The following PLCG2 variants were observed in gnomAD, a reference collection of about 807,000 sequenced individuals.
The protein encoded by PLCG2 is 1-phosphatidylinositol 4,5-bisphosphate phosphodiesterase gamma-2.
PLCG2 carries 69 observed loss-of-function variants against 175.6 expected under a neutral mutation model. The ratio of observed to expected loss-of-function variants is 0.39; its 90% CI spans 0.32 to 0.48. The LOEUF is 0.48. Among genes scored for constraint, PLCG2 ranks in the 20% least tolerant of loss-of-function variants. PLCG2 has a pLI of 0.91. For missense variants in PLCG2, 1,798 were observed against 1,650.9 expected (o/e 1.09, Z -1.54); for synonymous variants, 827 against 624.0 (o/e 1.33, Z -4.85).
At chr16:81,776,483 A>G (rs966157719), upstream of PLCG2, among the ~76,000 whole-genome samples, 3 of 152,052 alleles carry the variant, frequency 2.0e-5, no homozygotes, top group African/African-American at 4.8e-5. Flanking sequence ...TTCCCCACCT[A>G]TTATCCTTGG....
At chr16:81,846,153 C>T (rs1254860140) in intron 2 of PLCG2, among the ~76,000 whole-genome samples, 1 of 152,198 alleles carries the variant, frequency 6.6e-6, no homozygotes, top group Admixed American at 6.5e-5. Flanking sequence ...CAGGGCACTG[C>T]TCTCACTAGA....
At chr16:81,871,909 A>T (rs1238777306) in intron 7 of PLCG2, among the ~76,000 whole-genome samples, 1 of 152,212 alleles carries the variant, frequency 6.6e-6, no homozygotes, top group Middle Eastern at 3.2e-3. Flanking sequence ...ATGTGACATT[A>T]TGCAGCTGAT....
chr16:81,786,448 C>T (rs1011546416), intron 2 of PLCG2, among the ~76,000 whole-genome samples: 3 of 152,184 alleles, frequency 2.0e-5, no homozygotes, highest in African/African-American at 7.2e-5. Context: ...GCTCTCCTTG[C>T]CTGGTGGTTC....
At position 81,908,442 on chromosome 16, in the gene PLCG2, T is replaced by G; in HGVS notation, c.1584T>G (p.Phe528Leu). Residue 528 changes from phenylalanine (F) to leucine (L), a missense_variant, in exon 17 of 33, where the codon TTT becomes TTG. By Grantham distance (22) the Phe-to-Leu change is conservative. Coordinates refer to ENST00000564138, the MANE Select transcript of PLCG2 (RefSeq NM_002661.5). ...ATATACCCCCTACAGAACTACATTT[T>G]GGGGAGAAATGGTTCCACAAGAAGG... Reference protein sequence around the residue: ...PQDIPPTELHFGEKWFHKKVE... With the variant: ...PQDIPPTELHLGEKWFHKKVE... The G allele has an allele frequency of 6.2e-7, 1 of 1,614,032 alleles. No individual in the cohort carries two copies. The highest frequency in any genetic ancestry group is 8.5e-7 in the Non-Finnish European group (1 of 1,179,990).
chr16:81,780,957 G>T (rs997471536), intron 1 of PLCG2, among the ~76,000 whole-genome samples: 5 of 152,152 alleles, frequency 3.3e-5, no homozygotes, highest in Non-Finnish European at 7.3e-5. Flanking sequence ...AACCCAGGAG[G>T]TGGAGGTTGC....
At chr16:81,933,594 A>G (rs1184521106) in intron 25 of PLCG2, among the ~76,000 whole-genome samples, 1 of 150,856 alleles carries the variant, frequency 6.6e-6, no homozygotes, top group Non-Finnish European at 1.5e-5. Flanking sequence ...TTTTTGAGAC[A>G]GAGTCTCACT....
At chr16:81,950,595 T>C (rs771051844) in intron 31 of PLCG2, among the ~76,000 whole-genome samples, 57 of 152,210 alleles carry the variant, frequency 3.7e-4, no homozygotes, top group Non-Finnish European at 2.1e-4. Flanking sequence ...GTCTCAAACT[T>C]CATAAATTTG....
intron 28 of PLCG2, 181 bp from the exon 29 acceptor site, chr16:81,938,620 G>C: frequency 1.7e-6 from 1 of 587,460 alleles, no homozygotes; most frequent in South Asian, 2.1e-5. Flanking sequence ...GGAACTGTGG[G>C]ATCTACCACA....
chr16:81,952,744 G>A (rs1223972730), intron 31 of PLCG2, among the ~76,000 whole-genome samples: 5 of 152,298 alleles, frequency 3.3e-5, no homozygotes, highest in East Asian at 1.9e-4. Flanking sequence ...AATGTAGAAG[G>A]AATGAGGGAA....
At chr16:81,858,228 T>C in intron 3 of PLCG2, 35 bp from the exon 4 acceptor site, 1 of 1,428,782 alleles carries the variant, frequency 7.0e-7, no homozygotes, top group Non-Finnish European at 9.9e-7. Flanking sequence ...TCCCAGGAAT[T>C]AACACAGCAT....
chr16:81,950,550 G>A (rs1323656889), intron 31 of PLCG2, among the ~76,000 whole-genome samples: 1 of 152,152 alleles, frequency 6.6e-6, no homozygotes, highest in Admixed American at 6.6e-5. Context: ...ACAACTTTGT[G>A]TCCTACAAAT....
chr16:81,747,316 C>T (rs945860422), intron 1 of PLCG2, among the ~76,000 whole-genome samples: 5 of 152,128 alleles, frequency 3.3e-5, no homozygotes, highest in African/African-American at 1.2e-4. Context: ...GGGCAGATCA[C>T]TTGAGGTTAG....
chr16:81,942,370 CCTT>C (rs1255227359), intron 30 of PLCG2, among the ~76,000 whole-genome samples: 2 of 152,172 alleles, frequency 1.3e-5, no homozygotes, highest in East Asian at 1.9e-4. Flanking sequence ...AAAAATGTGA[CCTT>C]CTCCTCCCCC....
chr16:81,957,529 T>A (rs75246608), intron 32 of PLCG2, among the ~76,000 whole-genome samples: 1,928 of 152,264 alleles, frequency 0.013, 44 homozygotes, highest in African/African-American at 0.044. Context: ...GGCTCTAGAC[T>A]GGGTCAAGAT....
intron 2 of PLCG2, among the ~76,000 whole-genome samples, chr16:81,824,315 G>T (rs987719777): frequency 6.6e-6 from 1 of 152,068 alleles, no homozygotes; most frequent in Non-Finnish European, 1.5e-5. Context: ...TGTATTTTTA[G>T]TAGAGACAAG....
At chr16:81,886,170 C>T (rs1383350899) in intron 9 of PLCG2, among the ~76,000 whole-genome samples, 3 of 152,166 alleles carry the variant, frequency 2.0e-5, no homozygotes, top group Non-Finnish European at 4.4e-5. Flanking sequence ...GAGACTGGGG[C>T]GTGTAGATTT....
chr16:81,817,110 G>A (rs147364981), intron 2 of PLCG2, among the ~76,000 whole-genome samples: 87 of 152,304 alleles, frequency 5.7e-4, no homozygotes, highest in Non-Finnish European at 1.0e-3. Context: ...ATGGTAAACA[G>A]GGAGGTGAAG....
upstream of PLCG2, among the ~76,000 whole-genome samples, chr16:81,778,016 CAAAAAAAAAAA>C (rs753644088): frequency 6.5e-3 from 321 of 49,050 alleles, 2 homozygotes; most frequent in African/African-American, 9.1e-3. Flanking sequence ...GACTTTGTCT[CAAAAAAAAAAA>C]AAAACAAAAA....
intron 15 of PLCG2, 114 bp from the exon 16 acceptor site, chr16:81,907,571 C>A: frequency 1.7e-6 from 1 of 594,782 alleles, no homozygotes; most frequent in Non-Finnish European, 3.0e-6. Context: ...GTCTATGAAA[C>A]TGGGAAAAGC....
Sources: gnomAD v4.1 joint callset for allele counts (sites outside exome capture counted in the v4.1 genomes callset) on GRCh38, gnomAD v4.1.1 for gene constraint, MANE v1.5 for transcripts, NCBI Gene and HGNC (gene_info 2026-07-23, HGNC 2026-07-21) for gene names.